The following GARIN2 variants were observed in gnomAD, a reference collection of about 807,000 sequenced individuals.
GARIN2 encodes Golgi-associated RAB2 interactor protein 2.
At chr14:67,190,428 G>T in the GARIN2 span, among the ~76,000 whole-genome samples, 2 of 151,692 alleles carry the variant, frequency 1.3e-5, no homozygotes, top group African/African-American at 4.8e-5. Flanking sequence ...TTCGCCATTT[G>T]GCCAGGCTGG....
the GARIN2 span, among the ~76,000 whole-genome samples, chr14:67,202,095 G>A: frequency 6.6e-6 from 1 of 152,130 alleles, no homozygotes; most frequent in Non-Finnish European, 1.5e-5. Context: ...TGGTCGATTG[G>A]TACGTGTTCA....
chr14:67,212,146 C>T, the GARIN2 span, among the ~76,000 whole-genome samples: 3 of 152,054 alleles, frequency 2.0e-5, no homozygotes, highest in South Asian at 6.2e-4. Context: ...AGTAAACACA[C>T]TAGGTACATT....
the GARIN2 span, chr14:67,199,336 C>T: frequency 6.2e-7 from 1 of 1,613,882 alleles, no homozygotes; most frequent in Admixed American, 1.7e-5. Flanking sequence ...CATCAGCTCA[C>T]AACAAAAACC....
the GARIN2 span, chr14:67,227,439 C>CAAAAAAAAAAAAAAAAGAAAA: frequency 1.2e-5 from 1 of 83,656 alleles, no homozygotes; most frequent in Non-Finnish European, 2.8e-5. Context: ...GATGCTGTCT[C>CAAAAAAAAAAAAAAAAGAAAA]AAAAAAAAAA....
At chr14:67,200,187 TC>T in the GARIN2 span, 1 of 1,148,512 alleles carries the variant, frequency 8.7e-7, no homozygotes, top group South Asian at 1.6e-5. Flanking sequence ...TGCGTGGACT[TC>T]CTCCACTGAT....
the GARIN2 span, chr14:67,200,158 C>T: frequency 8.6e-7 from 1 of 1,159,956 alleles, no homozygotes; most frequent in Non-Finnish European, 1.2e-6. Context: ...TCACCCAGGT[C>T]CTATGCCTCC....
At chr14:67,214,949 A>G in the GARIN2 span, among the ~76,000 whole-genome samples, 1 of 152,092 alleles carries the variant, frequency 6.6e-6, no homozygotes. Context: ...GAGTTCACTC[A>G]TGATTTGGCT....
the GARIN2 span, among the ~76,000 whole-genome samples, chr14:67,191,662 T>TCAA: frequency 6.6e-6 from 1 of 152,186 alleles, no homozygotes; most frequent in Admixed American, 6.5e-5. Context: ...TCAGCCCTAA[T>TCAA]GGAGCCTTGA....
At chr14:67,227,238 G>A in the GARIN2 span, among the ~76,000 whole-genome samples, 28 of 151,856 alleles carry the variant, frequency 1.8e-4, no homozygotes, top group Non-Finnish European at 2.9e-4. Context: ...TCAGGAGTTC[G>A]AGACCAGCCT....
the GARIN2 span, among the ~76,000 whole-genome samples, chr14:67,218,063 C>T: frequency 6.6e-6 from 1 of 152,082 alleles, no homozygotes; most frequent in East Asian, 1.9e-4. Context: ...TTCTCAGTGG[C>T]CTAGGCTTAG....
the GARIN2 span, chr14:67,227,753 AT>A: frequency 6.6e-6 from 1 of 152,134 alleles, no homozygotes; most frequent in African/African-American, 2.4e-5. Flanking sequence ...TTTTAATTTT[AT>A]TTTTTGTTTA....
chr14:67,195,747 G>A, the GARIN2 span, among the ~76,000 whole-genome samples: 2,335 of 151,870 alleles, frequency 0.015, 27 homozygotes, highest in Non-Finnish European at 0.024. Flanking sequence ...GTGTGTGTGT[G>A]TGTGTGTGTG....
At chr14:67,201,304 CAAAT>C in the GARIN2 span, 26 of 348,670 alleles carry the variant, frequency 7.5e-5, no homozygotes, top group African/African-American at 4.9e-4. Flanking sequence ...TAAAAACAAA[CAAAT>C]AAATATTTTT....
the GARIN2 span, among the ~76,000 whole-genome samples, chr14:67,210,203 C>G: frequency 6.6e-6 from 1 of 152,184 alleles, no homozygotes; most frequent in African/African-American, 2.4e-5. Context: ...CAAATGCTCA[C>G]AACTGGAAAA....
chr14:67,212,769 T>C, the GARIN2 span, among the ~76,000 whole-genome samples: 1 of 151,124 alleles, frequency 6.6e-6, no homozygotes, highest in Non-Finnish European at 1.5e-5. Context: ...TAACAAAGTA[T>C]AGGCCAAGGG....
chr14:67,225,952 T>C, the GARIN2 span, among the ~76,000 whole-genome samples: 2 of 139,070 alleles, frequency 1.4e-5, no homozygotes, highest in African/African-American at 5.8e-5. Flanking sequence ...TGTGTGTGTG[T>C]GTGTGTGTGT....
At chr14:67,199,703 C>T in the GARIN2 span, 1 of 1,581,880 alleles carries the variant, frequency 6.3e-7, no homozygotes, top group Non-Finnish European at 8.7e-7. Context: ...TGCAGATGCA[C>T]CTCCTTCACC....
chr14:67,225,000 A>C, the GARIN2 span: 6 of 787,228 alleles, frequency 7.6e-6, no homozygotes, highest in East Asian at 8.6e-5. Flanking sequence ...TATTCAAAAT[A>C]AGCTCTTTCT....
At chr14:67,196,227 T>C in the GARIN2 span, among the ~76,000 whole-genome samples, 6 of 148,850 alleles carry the variant, frequency 4.0e-5, no homozygotes, top group African/African-American at 1.6e-4. Flanking sequence ...TTCTTTCTTT[T>C]TTTTTTTTGA....
Sources: allele counts gnomAD v4.1 joint callset (sites outside exome capture counted in the v4.1 genomes callset), GRCh38; gene constraint gnomAD v4.1.1; transcripts MANE v1.5; gene names NCBI Gene and HGNC (gene_info 2026-07-23, HGNC 2026-07-21).